Variants in TRIM66 observed in about 807,000 individuals in gnomAD.
TRIM66 encodes tripartite motif-containing protein 66.
In TRIM66, 99 loss-of-function variants were observed where a neutral mutation model predicts 148.2. The observed-to-expected ratio is 0.67, with a 90% CI of 0.57 to 0.79. TRIM66 has a LOEUF of 0.79. Ranked by LOEUF, TRIM66 falls within the 30% of genes least tolerant of loss-of-function variation. The probability of loss-of-function intolerance (pLI) is 0.00; values close to 1 mark genes in which losing one functional copy is unlikely to be tolerated. For synonymous variants in TRIM66, 616 were observed against 635.9 expected, an observed-to-expected ratio of 0.97 and a Z score of 0.47; for missense variants, 1,666 against 1,697.9, an observed-to-expected ratio of 0.98 and a Z score of 0.33.
rs552649755 is a variant in TRIM66 at position 8,640,523 on chromosome 11, G to A, written c.1852C>T (p.Pro618Ser). The A allele has an allele frequency of 2.1e-4, 317 of 1,538,324 alleles. 1 individual carries two copies. The South Asian group carries it at 3.4e-3, about 17-fold the overall frequency. Reference sequence around the variant, plus strand: ...GGTGGGTGTGGCTGCTGTGGGGGAGGGGGAAGGGGAGGTGGGGGATGGGGG... The same window carrying A: ...GGTGGGTGTGGCTGCTGTGGGGGAGAGGGAAGGGGAGGTGGGGGATGGGGG... Reference protein sequence around the residue: ...PLPHPPPPLPPPPQQPHPPLP... With the variant: ...PLPHPPPPLPSPPQQPHPPLP... Residue 618 changes from proline to serine, a missense_variant, in exon 14 of 25, where the codon CCT (proline) becomes TCT (serine). By Grantham distance (74) the Pro-to-Ser change is moderately conservative (BLOSUM62 -1). Coordinates refer to ENST00000646038, the MANE Select transcript of TRIM66 (RefSeq NM_001388022.1).
At chr11:8,641,220 C>T in intron 13 of TRIM66, 68 bp from the exon 14 acceptor site, 1 of 1,392,054 alleles carries the variant, frequency 7.2e-7, no homozygotes, top group Non-Finnish European at 9.7e-7. Flanking sequence ...ACTTCCTGCT[C>T]CTGGGACAAA....
intron 6 of TRIM66, among the ~76,000 whole-genome samples, chr11:8,655,105 C>T (rs1325567725): frequency 6.6e-6 from 1 of 152,108 alleles, no homozygotes; most frequent in African/African-American, 2.4e-5. Context: ...AGTGATCCAC[C>T]CACCTCAGCC....
At chr11:8,658,661 C>T (rs895798536) in intron 6 of TRIM66, 9 of 573,278 alleles carry the variant, frequency 1.6e-5, no homozygotes, top group South Asian at 1.5e-4. Context: ...GGTGCCTGCA[C>T]AGCCAGAGCT....
Position 8,645,858 on chromosome 11 carries a change from C to T in TRIM66, c.987G>A (p.Leu329=). 1 of 1,551,700 alleles carries T rather than the reference C, an allele frequency of 6.4e-7. No individual in the cohort carries two copies. ...CCATGATGCTCTGTAACTGCTGTTC[C>T]AGCTTCCGCTTTCTCTCATTAGTAA... ...EGITNERKRK[L]EQQLQSIMVL... is the part of the protein sequence containing the mutation. Residue 329 remains leucine, a synonymous_variant, in exon 12 of 25, where the codon CTG becomes CTA. Transcript: ENST00000646038.
intron 18 of TRIM66, 56 bp from the exon 19 acceptor site, chr11:8,621,875 T>G: frequency 6.9e-7 from 1 of 1,445,778 alleles, no homozygotes; most frequent in Non-Finnish European, 9.2e-7. Context: ...GGTCCCAACC[T>G]CTAAGTCAGA....
intron 10 of TRIM66, among the ~76,000 whole-genome samples, chr11:8,646,803 G>A (rs6486253): frequency 0.59 from 89,557 of 151,860 alleles, 26,817 homozygotes; most frequent in Non-Finnish European, 0.65. Context: ...GGTCAACCCA[G>A]TAGCCCACCA....
At chr11:8,650,167 G>A (rs1247262853) in intron 7 of TRIM66, among the ~76,000 whole-genome samples, 1 of 152,132 alleles carries the variant, frequency 6.6e-6, no homozygotes, top group African/African-American at 2.4e-5. Flanking sequence ...GAGCCCAGGA[G>A]TTTCAGACTA....
chr11:8,666,983 C>CT (rs532610420), intron 6 of TRIM66, among the ~76,000 whole-genome samples: 18 of 151,144 alleles, frequency 1.2e-4, no homozygotes, highest in Non-Finnish European at 1.6e-4. Flanking sequence ...CACCCGGCAA[C>CT]TTTTTTTTTG....
chr11:8,630,504 A>C (rs1189131674), intron 15 of TRIM66, among the ~76,000 whole-genome samples: 1 of 152,216 alleles, frequency 6.6e-6, no homozygotes, highest in Non-Finnish European at 1.5e-5. Flanking sequence ...GAGATTCACT[A>C]CTGAAAATAA....
chr11:8,620,978 C>A (rs2034154082), intron 20 of TRIM66, 54 bp downstream of exon 20: 1 of 1,517,670 alleles, frequency 6.6e-7, no homozygotes, highest in South Asian at 1.3e-5. Flanking sequence ...GAATAATCAT[C>A]CCTGGAAGGT....
At position 8,618,021 on chromosome 11, in the gene TRIM66, AT is replaced by A; in HGVS notation, c.4120-19del. On this transcript the variant is annotated intron_variant, in intron 24 of 24. Transcript: ENST00000646038. ...TCATTCTCCTGAAAGAAAAATATAT[AT>A]TTGGAATTAAAATAGCCAAATGTAG... The A allele has an allele frequency of 6.4e-7, 1 of 1,550,560 alleles. No homozygotes were observed. The highest frequency in any genetic ancestry group is 8.7e-7 in the Non-Finnish European group (1 of 1,146,032).
At chr11:8,643,233 T>A in intron 12 of TRIM66, 107 bp from the exon 13 acceptor site, 3 of 835,764 alleles carry the variant, frequency 3.6e-6, no homozygotes, top group South Asian at 1.7e-5. Context: ...CATGGCCCTT[T>A]AACCTCTGGT....
Position 8,617,924 on chromosome 11 carries a change from G to A in TRIM66, c.*20C>T. ...AGTATGGGACAACAGCTGCCAGAGT[G>A]CCCAGTCTCCTTTTGGCTCTCACAC... On this transcript the variant is annotated 3_prime_UTR_variant, in exon 25 of 25. Coordinates refer to ENST00000646038, the MANE Select transcript of TRIM66 (RefSeq NM_001388022.1). 6.4e-7 allele frequency: 1 copy of A among 1,551,304 alleles called. No homozygotes were observed. The highest frequency in any genetic ancestry group is 8.7e-7 in the Non-Finnish European group (1 of 1,146,628).
At chr11:8,662,829 A>C (rs1435964364) in intron 6 of TRIM66, among the ~76,000 whole-genome samples, 1 of 152,204 alleles carries the variant, frequency 6.6e-6, no homozygotes, top group Non-Finnish European at 1.5e-5. Context: ...TAAAATGACA[A>C]ATAAAACCAC....
chr11:8,648,534 GACC>G lies in TRIM66; in HGVS notation c.604_606del (p.Gly202del). 1 of 1,551,626 alleles carries G rather than the reference GACC, an allele frequency of 6.4e-7. No homozygotes were observed. Among genetic ancestry groups the G allele is most frequent in the Non-Finnish European group, 8.7e-7 (1 of 1,146,982 alleles). On this transcript the variant is annotated inframe_deletion, in exon 9 of 25. Coordinates refer to ENST00000646038, the MANE Select transcript of TRIM66 (RefSeq NM_001388022.1). ...GGACAATACAAGGTGAAGTCTCCGG[GACC>G]ACCATTCACTCCTGCCAGAGAAGAC...
In TRIM66 at chr11:8,642,999, C is replaced by A; in HGVS notation, c.1222+10G>T. The A allele has an allele frequency of 6.5e-7, 1 of 1,546,940 alleles. No individual in the cohort carries two copies. Among genetic ancestry groups the A allele is most frequent in the South Asian group, 1.2e-5 (1 of 83,394 alleles). Reference sequence around the variant, plus strand: ...GGTGGGTAGGCCTGGGTGGGTGGGTCCAAGCTCACCAAGAGAAGCTAGCTG... The same window carrying A: ...GGTGGGTAGGCCTGGGTGGGTGGGTACAAGCTCACCAAGAGAAGCTAGCTG... On this transcript the variant is annotated intron_variant, in intron 13 of 24. Transcript: ENST00000646038.
At chr11:8,646,291 C>T (rs2133180404) in intron 11 of TRIM66, among the ~76,000 whole-genome samples, 156 bp downstream of exon 11, 1 of 152,158 alleles carries the variant, frequency 6.6e-6, no homozygotes, top group Non-Finnish European at 1.5e-5. Flanking sequence ...AGCCACCCTC[C>T]CAAAATTAGG....
intron 6 of TRIM66, among the ~76,000 whole-genome samples, chr11:8,656,121 G>C (rs569426441): frequency 6.6e-6 from 1 of 152,160 alleles, no homozygotes; most frequent in Non-Finnish European, 1.5e-5. Flanking sequence ...ACCCCATCAA[G>C]CTGTGTCAAC....
At chr11:8,620,402 G>A (rs1165605897) in intron 21 of TRIM66, 44 bp downstream of exon 21, 3 of 1,549,312 alleles carry the variant, frequency 1.9e-6, no homozygotes, top group Non-Finnish European at 1.7e-6. Context: ...GCAGAAGGGG[G>A]CTGCCAAAGG....
Sources: gnomAD v4.1 joint callset for allele counts (sites outside exome capture counted in the v4.1 genomes callset) on GRCh38, gnomAD v4.1.1 for gene constraint, MANE v1.5 for transcripts, NCBI Gene and HGNC (gene_info 2026-07-23, HGNC 2026-07-21) for gene names.